AAAS: variants seen among roughly 807,000 people sequenced by gnomAD.
AAAS encodes the protein aladin WD repeat nucleoporin.
AAAS carries 60 observed loss-of-function variants against 75.6 expected under a neutral mutation model. The ratio of observed to expected loss-of-function variants is 0.79; its 90% CI spans 0.64 to 0.98. The LOEUF (loss-of-function observed/expected upper bound fraction) is 0.98. Among genes scored for constraint, AAAS ranks in the 50% least tolerant of loss-of-function variants. AAAS has a pLI of 0.00. For synonymous variants in AAAS, 271 were observed against 265.0 expected (o/e 1.02, Z -0.22); for missense variants, 658 against 686.9 (o/e 0.96, Z 0.47).
At chr12:53,312,070 G>A (rs1944397984) in intron 7 of AAAS, among the ~76,000 whole-genome samples, 1 of 151,926 alleles carries the variant, frequency 6.6e-6, no homozygotes, top group Non-Finnish European at 1.5e-5. Flanking sequence ...GCTCACGCCT[G>A]TAATCCCAGC....
Position 53,308,733 on chromosome 12 carries a change from T to C in AAAS, c.1079A>G (p.Glu360Gly). The C allele has an allele frequency of 6.2e-7, 1 of 1,614,012 alleles. No homozygotes were observed. The highest frequency in any genetic ancestry group is 1.1e-5 in the South Asian group (1 of 91,084). The change falls in exon 11 of 16, where the codon GAA becomes GGA. Residue 360 changes from glutamate (E) to glycine (G), a missense_variant. Coordinates refer to ENST00000209873, the MANE Select transcript of AAAS (RefSeq NM_015665.6). Reference protein sequence around the residue: ...EPLIYSLSFPERCGEGKGCVG... With the variant: ...EPLIYSLSFPGRCGEGKGCVG... ...GTGTTGCCCTAACTCACCACAACGTTCTGGAAAAGACAGGGAGTAAATCAG... is the reference window on the plus strand; with the variant it reads ...GTGTTGCCCTAACTCACCACAACGTCCTGGAAAAGACAGGGAGTAAATCAG...
chr12:53,317,018 C>T (rs557063597), intron 2 of AAAS, among the ~76,000 whole-genome samples: 34 of 150,712 alleles, frequency 2.3e-4, no homozygotes, highest in African/African-American at 8.3e-4. Flanking sequence ...TGGGGGCTGA[C>T]AATGCAGTGA....
chr12:53,316,469 A>AC lies in AAAS; in HGVS notation c.252-688_252-687insG, dbSNP rs1944462924. On this transcript the variant is annotated intron_variant, in intron 2 of 15. Coordinates refer to ENST00000209873, the MANE Select transcript of AAAS (RefSeq NM_015665.6). ...GACTCTGCCTCAAAAAAGAAGAAAA[A>AC]AAAAAAAGAATAGAAAAGGCCAGGC... Among the ~76,000 whole-genome samples, 3 of 149,122 alleles carry AC rather than the reference A, an allele frequency of 2.0e-5. No homozygotes were observed. The Admixed American group carries it at 2.0e-4, about 10-fold the overall frequency.
In AAAS at chr12:53,309,362, G is replaced by A; in HGVS notation, c.811-81C>T. ...TGGGCTGGCCTCTCTAATGTACAAA[G>A]AGCCAGAAACGAGAGGAAGCGGGAG... On this transcript the variant is annotated intron_variant, in intron 8 of 15. Transcript: ENST00000209873. The A allele has an allele frequency of 2.5e-6, 4 of 1,596,006 alleles. No homozygotes were observed. The South Asian group carries it at 3.3e-5, about 13-fold the overall frequency.
intron 8 of AAAS, 152 bp downstream of exon 8, chr12:53,309,449 C>G (rs971132860): frequency 2.4e-5 from 36 of 1,517,554 alleles, no homozygotes; most frequent in Non-Finnish European, 2.9e-5. Flanking sequence ...GAATTTTAAA[C>G]CTCACGAGTC....
At chr12:53,313,336 T>C (rs1018455238) in intron 7 of AAAS, among the ~76,000 whole-genome samples, 1 of 151,784 alleles carries the variant, frequency 6.6e-6, no homozygotes, top group Non-Finnish European at 1.5e-5. Context: ...GCTAATTTTT[T>C]TGTATTTTTA....
rs1473930429 is a variant in AAAS, at chr12:53,321,035, C to T, written c.123+308G>A. 4 of 546,082 alleles carry T rather than the reference C, an allele frequency of 7.3e-6. No individual in the cohort carries two copies. In the African/African-American group the frequency reaches 7.6e-5, roughly 10 times the overall value. The allele number at this position is 546,082 out of a possible 1,614,324, so 33.8% of individuals were successfully genotyped here. A position where few individuals can be genotyped will look rare whatever the true frequency, so the allele number is the denominator to read the frequency against. On this transcript the variant is annotated intron_variant, in intron 1 of 15. Coordinates refer to ENST00000209873, the MANE Select transcript of AAAS (RefSeq NM_015665.6). ...CATGGAAAAAAGTTCCATGTTGTAT[C>T]CTTCTGATCCTCCCCAGATACTGTC... is the stretch of plus-strand genomic sequence containing the variant.
rs1944310108 is a variant in AAAS at position 53,307,663 on chromosome 12, G to A, written c.1467C>T (p.Ala489=). The change falls in exon 16 of 16, where the codon GCC becomes GCT. Residue 489 remains alanine, a synonymous_variant. Transcript: ENST00000209873. ...GCACTGGGCTAAAACGTGGAAACTG[G>A]GCATTGACAAAGTACAGCGGGATGT... ...IAHIPLYFVN[A]QFPRFSPVLG... The A allele has an allele frequency of 1.9e-6, 3 of 1,614,048 alleles. No individual in the cohort carries two copies. In the South Asian group the frequency reaches 3.3e-5, roughly 18 times the overall value.
At chr12:53,312,159 G>A (rs1268029477) in intron 7 of AAAS, among the ~76,000 whole-genome samples, 1 of 151,420 alleles carries the variant, frequency 6.6e-6, no homozygotes, top group Non-Finnish European at 1.5e-5. Flanking sequence ...GTTGCAGTGA[G>A]CCGAGATTGC....
intron 7 of AAAS, among the ~76,000 whole-genome samples, chr12:53,313,355 G>A (rs1235021086): frequency 6.6e-6 from 1 of 151,540 alleles, no homozygotes. Context: ...TAGTAGAGAT[G>A]GGGTTTCGCC....
chr12:53,313,142 C>T (rs545259483), intron 7 of AAAS, among the ~76,000 whole-genome samples: 30 of 147,208 alleles, frequency 2.0e-4, no homozygotes, highest in African/African-American at 7.2e-4. Context: ...AGGCGTGAGC[C>T]ACCGCGCCTG....
chr12:53,319,373 G>A (rs1944516353), intron 2 of AAAS, among the ~76,000 whole-genome samples: 1 of 152,004 alleles, frequency 6.6e-6, no homozygotes, highest in African/African-American at 2.4e-5. Flanking sequence ...TACTTTTCTT[G>A]TAGAGAAAAG....
chr12:53,308,858 T>C, intron 10 of AAAS, 43 bp from the exon 11 acceptor site: 1 of 1,613,320 alleles, frequency 6.2e-7, no homozygotes, highest in South Asian at 1.1e-5. Context: ...ATGTCTATAG[T>C]AGAATGCAGG....
In AAAS at chr12:53,314,778, T is replaced by A. The variant is rs766906081; in HGVS notation, c.518A>T (p.Asp173Val). 1 of 1,613,672 alleles carries A rather than the reference T, an allele frequency of 6.2e-7. No individual in the cohort carries two copies. Among genetic ancestry groups the A allele is most frequent in the Non-Finnish European group, 8.5e-7 (1 of 1,179,876 alleles). Residue 173 changes from aspartate (D) to valine (V), a missense_variant, in exon 6 of 16, where the codon GAC becomes GTC. Physicochemically the swap from Asp to Val is radical, Grantham distance 152. Transcript: ENST00000209873. Reference protein sequence around the residue: ...TNKFAVALLDDSVRVYNASST... With the variant: ...TNKFAVALLDVSVRVYNASST... ...GCTGGCATTATACACACGGACTGAG[T>A]CATCTAGCAGGGCCACTGCAAACTT...
In AAAS at chr12:53,308,804, C is replaced by A; in HGVS notation, c.1008G>T (p.Trp336Cys). 6.2e-7 allele frequency: 1 copy of A among 1,614,012 alleles called. No individual in the cohort carries two copies. The highest frequency in any genetic ancestry group is 1.1e-5 in the South Asian group (1 of 91,072). The stretch of plus-strand genomic sequence containing the variant: ...ACAGCAGTCGGCTGCCATCTGGGCT[C>A]CAGCAGCCAGTCTGGGGTCAGGGAG... ...TLSGRCQTGC[W>C]SPDGSRLLFT... Residue 336 changes from tryptophan (W) to cysteine (C), a missense_variant, in exon 11 of 16, where the codon TGG (tryptophan) becomes TGT (cysteine). Physicochemically the swap from Trp to Cys is radical, Grantham distance 215. Coordinates refer to ENST00000209873, the MANE Select transcript of AAAS (RefSeq NM_015665.6).
intron 3 of AAAS, 132 bp downstream of exon 3, chr12:53,315,595 T>C: frequency 1.6e-6 from 2 of 1,282,082 alleles, no homozygotes; most frequent in Non-Finnish European, 2.2e-6. Context: ...CTGGGTTATT[T>C]GGGTAGGTAG....
chr12:53,308,376 T>A, intron 12 of AAAS, 27 bp from the exon 13 acceptor site: 1 of 1,613,918 alleles, frequency 6.2e-7, no homozygotes, highest in Non-Finnish European at 8.5e-7. Flanking sequence ...GTTAGGAGAG[T>A]TTCAGTGTGG....
intron 2 of AAAS, among the ~76,000 whole-genome samples, chr12:53,319,372 T>C (rs1451611347): frequency 1.3e-5 from 2 of 152,106 alleles, no homozygotes; most frequent in South Asian, 2.1e-4. Context: ...GTACTTTTCT[T>C]GTAGAGAAAA....
chr12:53,316,901 G>T (rs888885320), intron 2 of AAAS, among the ~76,000 whole-genome samples: 1 of 149,854 alleles, frequency 6.7e-6, no homozygotes, highest in East Asian at 2.0e-4. Flanking sequence ...GCAACATAGG[G>T]AAATGCTGTC....
Sources: allele counts gnomAD v4.1 joint callset (sites outside exome capture counted in the v4.1 genomes callset), GRCh38; gene constraint gnomAD v4.1.1; transcripts MANE v1.5; gene names NCBI Gene and HGNC (gene_info 2026-07-23, HGNC 2026-07-21).